Variants in ANKRD53 observed in about 807,000 individuals in gnomAD.
ANKRD53 encodes ankyrin repeat domain 53, also known as ankyrin repeat domain-containing protein 53.
A neutral mutation model predicts 30.1 loss-of-function variants in ANKRD53; 27 were observed. That is an observed-to-expected ratio of 0.90 (90% CI 0.66 to 1.24). The LOEUF is 1.24. Ranked by LOEUF, ANKRD53 falls within the 50% of genes most tolerant of loss-of-function variation. The pLI is 0.00. For missense variants in ANKRD53, 682 were observed against 721.0 expected (o/e 0.95, Z 0.62); for synonymous variants, 286 against 295.4 (o/e 0.97, Z 0.33).
Position 70,979,858 on chromosome 2 carries a change from T to A in ANKRD53, c.615T>A (p.Asn205Lys), listed in dbSNP as rs1553423240. The change falls in exon 3 of 6, where the codon AAT becomes AAA. Residue 205 changes from asparagine to lysine, a missense_variant and splice_region_variant. Physicochemically the swap from Asn to Lys is moderately conservative, Grantham distance 94. Coordinates refer to ENST00000360589, the MANE Select transcript of ANKRD53 (RefSeq NM_001115116.2). Reference protein sequence around the residue: ...YYLLEKGADLNAQTCNGSTPL... With the variant: ...YYLLEKGADLKAQTCNGSTPL... ...TGCTGGAGAAAGGCGCAGACCTCAA[T>A]GCGTGAGTCCAGCCTGCTTCAGGAG... The A allele has an allele frequency of 2.5e-6, 4 of 1,614,070 alleles. No individual in the cohort carries two copies. In the South Asian group the frequency reaches 4.4e-5, roughly 18 times the overall value.
chr2:70,979,017 C>G (rs1669914615), intron 1 of ANKRD53, 80 bp from the exon 2 acceptor site: 7 of 1,473,462 alleles, frequency 4.8e-6, no homozygotes, highest in Admixed American at 2.5e-5. Context: ...GCCCACCAGC[C>G]AGGCGGGGGC....
intron 3 of ANKRD53, among the ~76,000 whole-genome samples, chr2:70,980,186 A>T (rs1553423325): frequency 1.3e-5 from 2 of 152,158 alleles, no homozygotes; most frequent in African/African-American, 4.8e-5. Context: ...ATGGTGGCGC[A>T]TGCCTGTAAT....
chr2:70,980,227 A>T (rs1274537279), intron 3 of ANKRD53, among the ~76,000 whole-genome samples: 1 of 150,932 alleles, frequency 6.6e-6, no homozygotes, highest in Non-Finnish European at 1.5e-5. Flanking sequence ...AGGCAGGAGA[A>T]TTGCTTGAAC....
At chr2:70,981,247 C>T (rs761394504) in intron 3 of ANKRD53, among the ~76,000 whole-genome samples, 4 of 152,150 alleles carry the variant, frequency 2.6e-5, no homozygotes, top group African/African-American at 4.8e-5. Flanking sequence ...AGAAATGGTC[C>T]CTCTCCTCAC....
At position 70,979,776 on chromosome 2, in the gene ANKRD53, T is replaced by C. The variant is rs782309335; in HGVS notation, c.533T>C (p.Leu178Pro). 3 of 1,614,202 alleles carry C rather than the reference T, an allele frequency of 1.9e-6. No individual in the cohort carries two copies. Among genetic ancestry groups the C allele is most frequent in the African/African-American group, 1.3e-5 (1 of 75,050 alleles). The change falls in exon 3 of 6, where the codon CTG becomes CCG. Residue 178 changes from leucine to proline, a missense_variant. Coordinates refer to ENST00000360589, the MANE Select transcript of ANKRD53 (RefSeq NM_001115116.2). ...DLLTNNSQTP[L>P]HLVIHRDNTT... Reference sequence around the variant, plus strand: ...CTGACCAACAATAGCCAGACACCCCTGCACCTCGTCATCCACAGGGACAAC... The same window carrying C: ...CTGACCAACAATAGCCAGACACCCCCGCACCTCGTCATCCACAGGGACAAC...
chr2:70,980,793 A>G (rs1316485167), intron 3 of ANKRD53, among the ~76,000 whole-genome samples: 1 of 150,030 alleles, frequency 6.7e-6, no homozygotes, highest in Admixed American at 6.7e-5. Context: ...AAAATACAAA[A>G]AAGTTAACCG....
chr2:70,984,381 C>G (rs896436941), intron 5 of ANKRD53: 16 of 1,578,044 alleles, frequency 1.0e-5, no homozygotes, highest in Non-Finnish European at 1.4e-5. Flanking sequence ...TTTGTCTCCC[C>G]ACTCAGCCCA....
At position 70,982,449 on chromosome 2, in the gene ANKRD53, A is replaced by G; in HGVS notation, c.783-128A>G. 1 of 1,353,888 alleles carries G rather than the reference A, an allele frequency of 7.4e-7. No individual in the cohort carries two copies. The highest frequency in any genetic ancestry group is 1.0e-6 in the Non-Finnish European group (1 of 987,384). The allele number at this position is 1,353,888 out of a possible 1,614,324, so 83.9% of individuals were successfully genotyped here. A position where few individuals can be genotyped will look rare whatever the true frequency, so the allele number is the denominator to read the frequency against. Reference sequence around the variant, plus strand: ...GGGCCCCGGGCAATGGGGATGGCTCATCTTGCTCCTCTCCCTCTGGCCACT... The same window carrying G: ...GGGCCCCGGGCAATGGGGATGGCTCGTCTTGCTCCTCTCCCTCTGGCCACT... On this transcript the variant is annotated intron_variant, in intron 4 of 5. Transcript: ENST00000360589. This position sits in a 1 kb window ranked among gnomAD's most constrained non-coding sequence, Gnocchi z 4.2.
rs1115049 is a variant in ANKRD53, at chr2:70,978,846, A to G, written c.170+31A>G. ...TAGCGGGAGAAGGTGTCCCGGCTGCAGGGAGCGAGAACCCGGCCCAGCGCC... is the reference window on the plus strand; with the variant it reads ...TAGCGGGAGAAGGTGTCCCGGCTGCGGGGAGCGAGAACCCGGCCCAGCGCC... On this transcript the variant is annotated intron_variant, in intron 1 of 5. Coordinates refer to ENST00000360589, the MANE Select transcript of ANKRD53 (RefSeq NM_001115116.2). The surrounding 1 kb of genome is among the most constrained non-coding windows in gnomAD (Gnocchi z 4.3). 0.59 allele frequency: 909,507 copies of G among 1,542,068 alleles called. 270,244 individuals carry two copies. The highest frequency in any genetic ancestry group is 0.72 in the South Asian group (59,736 of 83,288).
chr2:70,983,324 C>T (rs1248978779), intron 5 of ANKRD53, among the ~76,000 whole-genome samples: 3 of 152,164 alleles, frequency 2.0e-5, no homozygotes, highest in African/African-American at 4.8e-5. Flanking sequence ...CATAGAGGCA[C>T]CTGGGAACAT....
chr2:70,982,182 A>G lies in ANKRD53; in HGVS notation c.782+82A>G. 2 of 1,463,202 alleles carry G rather than the reference A, an allele frequency of 1.4e-6. No individual in the cohort carries two copies. Among genetic ancestry groups the G allele is most frequent in the South Asian group, 2.8e-5 (2 of 71,636 alleles). The allele number at this position is 1,463,202 out of a possible 1,614,324, so 90.6% of individuals were successfully genotyped here. On this transcript the variant is annotated intron_variant, in intron 4 of 5. Coordinates refer to ENST00000360589, the MANE Select transcript of ANKRD53 (RefSeq NM_001115116.2). This position sits in a 1 kb window ranked among gnomAD's most constrained non-coding sequence, Gnocchi z 4.2. ...TTCCCTAGGGCCCTCACCACAGCTG[A>G]GCCTTTAAGGGGAGGGTTGGGAAGC... is the stretch of plus-strand genomic sequence containing the variant.
chr2:70,979,374 A>T (rs1669931286), intron 2 of ANKRD53, 31 bp downstream of exon 2: 1 of 1,612,206 alleles, frequency 6.2e-7, no homozygotes, highest in Admixed American at 1.7e-5. Flanking sequence ...GCAAAGACCG[A>T]GGTCCCTCTC....
Position 70,982,305 on chromosome 2 carries a change from T to G in ANKRD53, c.782+205T>G. The G allele has an allele frequency of 4.0e-6, 3 of 748,226 alleles. No individual in the cohort carries two copies. In the South Asian group the frequency reaches 6.0e-5, roughly 15 times the overall value. The allele number at this position is 748,226 out of a possible 1,614,324, so 46.3% of individuals were successfully genotyped here. A position where few individuals can be genotyped will look rare whatever the true frequency, so the allele number is the denominator to read the frequency against. ...GGGTAAGTCTGCCCAGGTCCCCTGC[T>G]CTCTGGGTTGATCACTGCCCTCCTT... On this transcript the variant is annotated intron_variant, in intron 4 of 5. Coordinates refer to ENST00000360589, the MANE Select transcript of ANKRD53 (RefSeq NM_001115116.2). This position sits in a 1 kb window ranked among gnomAD's most constrained non-coding sequence, Gnocchi z 4.2.
At position 70,982,704 on chromosome 2, in the gene ANKRD53, G is replaced by C. The variant is rs1553423879; in HGVS notation, c.903+7G>C. 3 of 1,613,376 alleles carry C rather than the reference G, an allele frequency of 1.9e-6. No homozygotes were observed. The highest frequency in any genetic ancestry group is 2.5e-6 in the Non-Finnish European group (3 of 1,179,626). ...CTACCTGATTGAGTATCAAGTAAGGGGGACAGCAGGGGGGCCAGGGGACAG... is the reference window on the plus strand; with the variant it reads ...CTACCTGATTGAGTATCAAGTAAGGCGGACAGCAGGGGGGCCAGGGGACAG... On this transcript the variant is annotated splice_region_variant and intron_variant, in intron 5 of 5. Transcript: ENST00000360589. The surrounding 1 kb of genome is among the most constrained non-coding windows in gnomAD (Gnocchi z 4.2).
At chr2:70,978,506 G>A (rs1421368476), upstream of ANKRD53, 26 of 1,057,902 alleles carry the variant, frequency 2.5e-5, no homozygotes, top group Non-Finnish European at 2.9e-5. The surrounding 1 kb of genome is among the most constrained non-coding windows in gnomAD (Gnocchi z 4.3). Flanking sequence ...TGCCCCTCCA[G>A]CTAGAGAGGC....
rs782480912 is a variant in ANKRD53, at chr2:70,984,879, A to AC, written c.1176dup (p.Ala393ArgfsTer37). 114 of 1,550,322 alleles carry AC rather than the reference A, an allele frequency of 7.4e-5. No individual in the cohort carries two copies. Among genetic ancestry groups the AC allele is most frequent in the Non-Finnish European group, 9.1e-5 (104 of 1,146,890 alleles). On this transcript the variant is annotated frameshift_variant, in exon 6 of 6. Coordinates refer to ENST00000360589, the MANE Select transcript of ANKRD53 (RefSeq NM_001115116.2). LOFTEE classifies it low-confidence loss of function (END_TRUNC). Reference sequence around the variant, plus strand: ...CCCACAATGTGGAATGTTAGCAACAACCCCGCCAGACCCCCCACCACCCAG... The same window carrying AC: ...CCCACAATGTGGAATGTTAGCAACAACCCCCGCCAGACCCCCCACCACCCAG...
At position 70,982,260 on chromosome 2, in the gene ANKRD53, A is replaced by G; in HGVS notation, c.782+160A>G. Reference sequence around the variant, plus strand: ...CCAGGATATTTTGGATGAGGCAATCACCTCATCACCTGGGCTTGGGGGTAA... The same window carrying G: ...CCAGGATATTTTGGATGAGGCAATCGCCTCATCACCTGGGCTTGGGGGTAA... On this transcript the variant is annotated intron_variant, in intron 4 of 5. Coordinates refer to ENST00000360589, the MANE Select transcript of ANKRD53 (RefSeq NM_001115116.2). This position sits in a 1 kb window ranked among gnomAD's most constrained non-coding sequence, Gnocchi z 4.2. 4.6e-6 allele frequency: 4 copies of G among 874,672 alleles called. No individual in the cohort carries two copies. Among genetic ancestry groups the G allele is most frequent in the Non-Finnish European group, 6.8e-6 (4 of 590,736 alleles). The allele number at this position is 874,672 out of a possible 1,614,324, so 54.2% of individuals were successfully genotyped here. A position where few individuals can be genotyped will look rare whatever the true frequency, so the allele number is the denominator to read the frequency against.
chr2:70,984,581 A>G, intron 5 of ANKRD53, 30 bp from the exon 6 acceptor site: 1 of 1,606,774 alleles, frequency 6.2e-7, no homozygotes, highest in East Asian at 2.2e-5. Flanking sequence ...GCAGTCCTCC[A>G]TGACTCTCTT....
chr2:70,982,976 A>G lies in ANKRD53; in HGVS notation c.903+279A>G, dbSNP rs1246048623. Among the ~76,000 whole-genome samples the G allele has an allele frequency of 6.6e-6, 1 of 152,242 alleles. No individual in the cohort carries two copies. Among genetic ancestry groups the G allele is most frequent in the Non-Finnish European group, 1.5e-5 (1 of 68,038 alleles). On this transcript the variant is annotated intron_variant, in intron 5 of 5. Transcript: ENST00000360589. This position sits in a 1 kb window ranked among gnomAD's most constrained non-coding sequence, Gnocchi z 4.2. Reference sequence around the variant, plus strand: ...CCCCTCCTAGTGTACTGCCTCTTTCAGGATGAGAACCTTCAATGAGACCAA... The same window carrying G: ...CCCCTCCTAGTGTACTGCCTCTTTCGGGATGAGAACCTTCAATGAGACCAA...
Sources: allele counts gnomAD v4.1 joint callset (sites outside exome capture counted in the v4.1 genomes callset), GRCh38; gene constraint gnomAD v4.1.1; non-coding constraint Gnocchi (gnomAD v3.1); transcripts MANE v1.5; gene names NCBI Gene and HGNC (gene_info 2026-07-23, HGNC 2026-07-21).